The following SDK2 variants were observed in gnomAD, a reference collection of about 807,000 sequenced individuals.
The protein encoded by SDK2 is protein sidekick-2.
Under a neutral mutation model 253.9 loss-of-function variants are expected in SDK2, and 105 were observed. That is an observed-to-expected ratio of 0.41 (90% CI 0.35 to 0.49). SDK2 has a LOEUF of 0.49. Among genes scored for constraint, SDK2 ranks in the 20% least tolerant of loss-of-function variants. The pLI is 0.06. For synonymous variants in SDK2, 1,249 were observed against 1,234.9 expected, an observed-to-expected ratio of 1.01 and a Z score of -0.24; for missense variants, 2,608 against 3,003.0, an observed-to-expected ratio of 0.87 and a Z score of 3.07.
rs750179738 is a variant in SDK2, at chr17:73,368,576, G to A, written c.4998C>T (p.Ala1666=). ...IQGYKIYFWE[A]QRGNLTERVK... is the part of the protein sequence containing the mutation. Reference sequence around the variant, plus strand: ...CTCGCTCTGTGAGGTTCCCCCGCTGGGCTTCCCAGAAATAAATCTGTGGGA... The same window carrying A: ...CTCGCTCTGTGAGGTTCCCCCGCTGAGCTTCCCAGAAATAAATCTGTGGGA... Residue 1666 remains alanine (A), a synonymous_variant, in exon 37 of 45, where the codon GCC becomes GCT. Coordinates refer to ENST00000392650, the MANE Select transcript of SDK2 (RefSeq NM_001144952.2). 23 of 1,588,614 alleles carry A rather than the reference G, an allele frequency of 1.4e-5. No homozygotes were observed. In the Admixed American group the frequency reaches 4.1e-4, roughly 28 times the overall value.
intron 44 of SDK2, among the ~76,000 whole-genome samples, chr17:73,348,156 C>G (rs1014809353): frequency 5.3e-5 from 8 of 152,222 alleles, no homozygotes; most frequent in African/African-American, 1.9e-4. Flanking sequence ...CTCCAGGGCA[C>G]CCAGCCCTTT....
intron 2 of SDK2, among the ~76,000 whole-genome samples, chr17:73,476,993 C>T (rs1233101313): frequency 6.6e-6 from 1 of 152,204 alleles, no homozygotes; most frequent in Non-Finnish European, 1.5e-5. Flanking sequence ...AGACCTATTT[C>T]TGGCTTGTAG....
intron 1 of SDK2, among the ~76,000 whole-genome samples, chr17:73,535,888 G>A (rs375691160): frequency 5.3e-5 from 8 of 152,114 alleles, no homozygotes; most frequent in East Asian, 1.9e-4. Context: ...GGCAGGGGGC[G>A]GCTGGGGGTG....
At chr17:73,380,787 G>T in intron 34 of SDK2, 107 bp downstream of exon 34, 2 of 967,416 alleles carry the variant, frequency 2.1e-6, no homozygotes, top group Non-Finnish European at 3.3e-6. Flanking sequence ...AGCCCCCTGG[G>T]GTGGGCACAC....
At chr17:73,391,412 C>A in intron 28 of SDK2, 28 bp downstream of exon 28, 1 of 1,250,214 alleles carries the variant, frequency 8.0e-7, no homozygotes. Context: ...CTTCCTGCAG[C>A]CGGGGCACGG....
rs140264194 is a variant in SDK2, at chr17:73,500,996, G to C, written c.224+6442C>G. On this transcript the variant is annotated intron_variant, in intron 2 of 44. Transcript: ENST00000392650. ...CTCCAGCCATGCTGCCCTTGCTGAT[G>C]AAGTGGATGTAAACTTAAGCTGAAA... is the stretch of plus-strand genomic sequence containing the variant. 1.1e-3 allele frequency among the ~76,000 whole-genome samples: 170 copies of C among 152,318 alleles called. 1 individual carries two copies. The highest frequency in any genetic ancestry group is 3.8e-3 in the African/African-American group (160 of 41,564).
intron 1 of SDK2, among the ~76,000 whole-genome samples, chr17:73,585,258 C>T (rs150575888): frequency 4.6e-5 from 7 of 152,328 alleles, no homozygotes; most frequent in African/African-American, 1.7e-4. Context: ...CTCTGTTTCC[C>T]CTATGCCATG....
chr17:73,409,326 C>T (rs1279634916), intron 18 of SDK2, among the ~76,000 whole-genome samples: 1 of 152,096 alleles, frequency 6.6e-6, no homozygotes, highest in African/African-American at 2.4e-5. Flanking sequence ...ACTAAAAATA[C>T]AAAAATGAGC....
intron 1 of SDK2, among the ~76,000 whole-genome samples, chr17:73,544,000 C>T (rs2044913980): frequency 6.6e-6 from 1 of 152,216 alleles, no homozygotes; most frequent in African/African-American, 2.4e-5. Context: ...CACCCTTCAG[C>T]ATGGTCTTGA....
chr17:73,400,343 G>A (rs1423226920), intron 21 of SDK2, among the ~76,000 whole-genome samples: 2 of 152,178 alleles, frequency 1.3e-5, no homozygotes, highest in African/African-American at 2.4e-5. Context: ...CCTTCCACAC[G>A]CTGGAATCCA....
chr17:73,585,661 C>A (rs2045593647), intron 1 of SDK2, among the ~76,000 whole-genome samples: 1 of 152,304 alleles, frequency 6.6e-6, no homozygotes, highest in South Asian at 2.1e-4. Flanking sequence ...GGCCTGACTA[C>A]CCCCTACACT....
intron 29 of SDK2, among the ~76,000 whole-genome samples, chr17:73,388,772 C>CTCCT (rs376691038): frequency 1.0e-4 from 5 of 49,312 alleles, no homozygotes; most frequent in African/African-American, 2.9e-4. Flanking sequence ...TTCCCTCCCT[C>CTCCT]TCCTTCCTTC....
intron 34 of SDK2, among the ~76,000 whole-genome samples, chr17:73,380,563 T>G (rs1019525688): frequency 1.3e-5 from 2 of 152,104 alleles, no homozygotes; most frequent in Non-Finnish European, 2.9e-5. Flanking sequence ...AGCAACCACG[T>G]GGACACCTGC....
intron 36 of SDK2, among the ~76,000 whole-genome samples, chr17:73,374,287 T>A (rs2062759191): frequency 6.9e-6 from 1 of 144,586 alleles, no homozygotes; most frequent in Non-Finnish European, 1.5e-5. Context: ...CATCTCTGAC[T>A]CTGTTCTGTC....
Position 73,443,672 on chromosome 17 carries a change from C to G in SDK2, c.614-2749G>C, listed in dbSNP as rs2063431944. On this transcript the variant is annotated intron_variant, in intron 5 of 44. Transcript: ENST00000392650. This position sits in a 1 kb window ranked among gnomAD's most constrained non-coding sequence, Gnocchi z 4.6. The stretch of plus-strand genomic sequence containing the variant: ...GGCAGCCTGCAGGGCTCGATGGGGG[C>G]TGAGGTGGCCAGGGATGCTGGCACA... Among the ~76,000 whole-genome samples the G allele has an allele frequency of 6.6e-6, 1 of 152,188 alleles. No individual in the cohort carries two copies. Among genetic ancestry groups the G allele is most frequent in the Non-Finnish European group, 1.5e-5 (1 of 68,042 alleles).
chr17:73,380,250 A>T (rs749181057), intron 34 of SDK2, among the ~76,000 whole-genome samples: 2 of 152,098 alleles, frequency 1.3e-5, no homozygotes, highest in Admixed American at 1.3e-4. Context: ...CTAGCTGTCT[A>T]TGCAGCCTGG....
In SDK2 at chr17:73,541,630, T is replaced by C. The variant is rs1392963039; in HGVS notation, c.65-34033A>G. On this transcript the variant is annotated intron_variant, in intron 1 of 44. Coordinates refer to ENST00000392650, the MANE Select transcript of SDK2 (RefSeq NM_001144952.2). This position sits in a 1 kb window ranked among gnomAD's most constrained non-coding sequence, Gnocchi z 4.3. ...CTCCCTGCTGGCTCTTCATTTCTCG[T>C]GGCGTGTTTACCTTCCTGATTTTGC... Among the ~76,000 whole-genome samples, 1 of 152,130 alleles carries C rather than the reference T, an allele frequency of 6.6e-6. No homozygotes were observed. The highest frequency in any genetic ancestry group is 1.5e-5 in the Non-Finnish European group (1 of 68,028).
chr17:73,417,811 C>T (rs2063195204), intron 16 of SDK2, among the ~76,000 whole-genome samples: 1 of 152,118 alleles, frequency 6.6e-6, no homozygotes, highest in South Asian at 2.1e-4. Flanking sequence ...GAACTCACAG[C>T]ACTAAAGAAG....
rs2062758237 is a variant in SDK2 at position 73,374,155 on chromosome 17, G to T, written c.4980+5022C>A. Among the ~76,000 whole-genome samples, 2 of 145,006 alleles carry T rather than the reference G, an allele frequency of 1.4e-5. 1 individual carries two copies. Among genetic ancestry groups the T allele is most frequent in the African/African-American group, 5.5e-5 (2 of 36,522 alleles). On this transcript the variant is annotated intron_variant, in intron 36 of 44. Transcript: ENST00000392650. ...AGTTTTTGGTTTCAGGGCTCAATTT[G>T]TAGACTTCTTTTGTTCTTTATCTTT...
Sources: allele counts gnomAD v4.1 joint callset (sites outside exome capture counted in the v4.1 genomes callset), GRCh38; gene constraint gnomAD v4.1.1; non-coding constraint Gnocchi (gnomAD v3.1); transcripts MANE v1.5; gene names NCBI Gene and HGNC (gene_info 2026-07-23, HGNC 2026-07-21).